The following PCDHA7 variants were observed in gnomAD, a reference collection of about 807,000 sequenced individuals.
The protein encoded by PCDHA7 is protocadherin alpha 7.
Under a neutral mutation model 57.2 loss-of-function variants are expected in PCDHA7, and 37 were observed. The observed-to-expected ratio is 0.65, with a 90% CI of 0.50 to 0.85. The LOEUF is 0.85. Ranked by LOEUF, PCDHA7 falls within the 40% of genes least tolerant of loss-of-function variation. The pLI is 0.00. For synonymous variants in PCDHA7, 553 were observed against 558.8 expected (o/e 0.99, Z 0.15); for missense variants, 1,188 against 1,241.8 (o/e 0.96, Z 0.65).
At chr5:140,859,459 C>G (rs1379028308) in intron 1 of PCDHA7, 1 of 216,756 alleles carries the variant, frequency 4.6e-6, no homozygotes, top group Non-Finnish European at 8.9e-6. Context: ...AGTGACAAAA[C>G]TACACTATCA....
At chr5:140,876,686 A>G (rs1554168790) in intron 1 of PCDHA7, 1 of 1,613,822 alleles carries the variant, frequency 6.2e-7, no homozygotes, top group Admixed American at 1.7e-5. Context: ...AAGAATTACT[A>G]CTCGTTGGTG....
At chr5:140,851,027 C>A in intron 1 of PCDHA7, 2 of 1,410,188 alleles carry the variant, frequency 1.4e-6, no homozygotes, top group Non-Finnish European at 1.9e-6. Flanking sequence ...TAAAGTAAAC[C>A]CCTTAACATT....
intron 1 of PCDHA7, among the ~76,000 whole-genome samples, chr5:140,949,473 G>A (rs2094384488): frequency 6.6e-6 from 1 of 151,492 alleles, no homozygotes; most frequent in South Asian, 2.1e-4. Flanking sequence ...CCTGTTATTA[G>A]GCACACACAT....
At chr5:140,909,854 C>T (rs756812618) in intron 1 of PCDHA7, among the ~76,000 whole-genome samples, 8 of 152,186 alleles carry the variant, frequency 5.3e-5, no homozygotes, top group Non-Finnish European at 1.2e-4. Flanking sequence ...CGTTTTCGGT[C>T]CCCTGGAGTC....
In PCDHA7 at chr5:140,967,285, G is replaced by C. The variant is rs150694611; in HGVS notation, c.2356-11664G>C. 6,229 of 1,613,054 alleles carry C rather than the reference G, an allele frequency of 3.9e-3. 11 individuals carry two copies. The highest frequency in any genetic ancestry group is 5.0e-3 in the Non-Finnish European group (5,885 of 1,179,544). On this transcript the variant is annotated intron_variant, in intron 1 of 3. Coordinates refer to ENST00000525929, the MANE Select transcript of PCDHA7 (RefSeq NM_018910.3). Reference sequence around the variant, plus strand: ...CGCGCTTTCACATAGAGAGTGCGCAGGACCCCGACGTGGGCGCCAACTCAG... The same window carrying C: ...CGCGCTTTCACATAGAGAGTGCGCACGACCCCGACGTGGGCGCCAACTCAG...
chr5:140,974,544 T>C (rs1393611069), intron 1 of PCDHA7, among the ~76,000 whole-genome samples: 1 of 152,232 alleles, frequency 6.6e-6, no homozygotes, highest in Non-Finnish European at 1.5e-5. Context: ...GGAGTTTTGC[T>C]CTTGTTGCCC....
At chr5:140,850,686 G>C (rs2150493966) in intron 1 of PCDHA7, 4 of 1,598,520 alleles carry the variant, frequency 2.5e-6, no homozygotes, top group Non-Finnish European at 3.4e-6. Flanking sequence ...CACCGAGGGC[G>C]AGTGCGCGCC....
chr5:140,903,163 G>T (rs2070058285), intron 1 of PCDHA7, among the ~76,000 whole-genome samples: 1 of 152,096 alleles, frequency 6.6e-6, no homozygotes, highest in Non-Finnish European at 1.5e-5. Flanking sequence ...GGTTGTGCTG[G>T]TTTACATTCC....
chr5:140,981,101 G>A (rs1484209084), intron 2 of PCDHA7, among the ~76,000 whole-genome samples: 1 of 152,196 alleles, frequency 6.6e-6, no homozygotes, highest in Non-Finnish European at 1.5e-5. Flanking sequence ...TTTAATGAGT[G>A]AATTTCTACT....
chr5:140,900,180 T>G (rs1223345758), intron 1 of PCDHA7, among the ~76,000 whole-genome samples: 3 of 152,228 alleles, frequency 2.0e-5, no homozygotes, highest in Non-Finnish European at 4.4e-5. Context: ...CTGGTTTATG[T>G]CACTTATAAT....
intron 2 of PCDHA7, among the ~76,000 whole-genome samples, chr5:140,979,726 G>A (rs2096861839): frequency 1.3e-5 from 2 of 152,072 alleles, no homozygotes; most frequent in African/African-American, 4.8e-5. Context: ...CATGCCATGG[G>A]GCCAAATAAA....
At chr5:140,849,983 G>A (rs1554143561) in intron 1 of PCDHA7, 6 of 1,597,534 alleles carry the variant, frequency 3.8e-6, no homozygotes, top group Admixed American at 1.7e-5. Context: ...CGCTGGTGGA[G>A]CGGCGGTTGG....
rs781920660 is a variant in PCDHA7 at position 140,857,284 on chromosome 5, G to A, written c.2355+20546G>A. On this transcript the variant is annotated intron_variant, in intron 1 of 3. Transcript: ENST00000525929. Reference sequence around the variant, plus strand: ...ACTCATTGGTGCTGGACAGCGCTCTGGACCGCGAGAGGGTGTCGGCCTATG... The same window carrying A: ...ACTCATTGGTGCTGGACAGCGCTCTAGACCGCGAGAGGGTGTCGGCCTATG... 4 of 1,598,734 alleles carry A rather than the reference G, an allele frequency of 2.5e-6. 1 individual carries two copies. Among genetic ancestry groups the A allele is most frequent in the Non-Finnish European group, 2.6e-6 (3 of 1,168,028 alleles).
intron 1 of PCDHA7, among the ~76,000 whole-genome samples, chr5:140,839,337 T>C (rs1776156207): frequency 6.6e-6 from 1 of 151,424 alleles, no homozygotes; most frequent in Non-Finnish European, 1.5e-5. Context: ...CTGAAGTTGA[T>C]AGGGGATCCT....
intron 1 of PCDHA7, among the ~76,000 whole-genome samples, chr5:140,838,217 A>C (rs1332894700): frequency 6.7e-6 from 1 of 150,262 alleles, no homozygotes; most frequent in Non-Finnish European, 1.5e-5. Context: ...TGGTACAAGC[A>C]GTTCTCATGC....
At position 140,856,636 on chromosome 5, in the gene PCDHA7, G is replaced by A. The variant is rs368149411; in HGVS notation, c.2355+19898G>A. 231 of 1,598,104 alleles carry A rather than the reference G, an allele frequency of 1.4e-4. 24 individuals are homozygous for A. The highest frequency in any genetic ancestry group is 1.6e-4 in the Non-Finnish European group (182 of 1,167,716). The stretch of plus-strand genomic sequence containing the variant: ...ACAAATTCCCAGTGCTTGTTCTGCG[G>A]AAGCTGCTGGATCGTGAAGAAAATC... On this transcript the variant is annotated intron_variant, in intron 1 of 3. Coordinates refer to ENST00000525929, the MANE Select transcript of PCDHA7 (RefSeq NM_018910.3).
At chr5:140,978,485 A>G (rs992352505) in intron 1 of PCDHA7, among the ~76,000 whole-genome samples, 2 of 152,264 alleles carry the variant, frequency 1.3e-5, no homozygotes, top group Admixed American at 1.3e-4. Flanking sequence ...CAGTCTGCAA[A>G]GCCAGCAGCA....
chr5:140,930,196 T>C (rs1554207641), intron 1 of PCDHA7: 1 of 152,226 alleles, frequency 6.6e-6, no homozygotes, highest in South Asian at 2.1e-4. Flanking sequence ...AATTTTTATG[T>C]CAGAAATATT....
At chr5:140,964,446 G>A (rs782155669) in intron 1 of PCDHA7, among the ~76,000 whole-genome samples, 2 of 152,100 alleles carry the variant, frequency 1.3e-5, no homozygotes, top group Non-Finnish European at 2.9e-5. Context: ...CTCTGCCACT[G>A]TAATCTCTTC....
Sources: gnomAD v4.1 joint callset for allele counts (sites outside exome capture counted in the v4.1 genomes callset) on GRCh38, gnomAD v4.1.1 for gene constraint, MANE v1.5 for transcripts, NCBI Gene and HGNC (gene_info 2026-07-23, HGNC 2026-07-21) for gene names.